Variants in GRIN3A observed in about 807,000 individuals in gnomAD.
GRIN3A encodes glutamate receptor ionotropic, NMDA 3A.
In GRIN3A, 47 loss-of-function variants were observed where a neutral mutation model predicts 92.4. That is an observed-to-expected ratio of 0.51 (90% CI 0.40 to 0.65). The LOEUF is 0.65. GRIN3A is among the 30% of genes least tolerant of loss of function. The probability of loss-of-function intolerance (pLI) is 0.00; values close to 1 mark genes in which losing one functional copy is unlikely to be tolerated. For missense variants in GRIN3A, 1,324 were observed against 1,393.1 expected (o/e 0.95, Z 0.79); for synonymous variants, 527 against 540.6 (o/e 0.97, Z 0.35).
intron 4 of GRIN3A, 62 bp from the exon 5 acceptor site, chr9:101,623,495 G>T: frequency 8.5e-7 from 1 of 1,179,826 alleles, no homozygotes; most frequent in Non-Finnish European, 1.3e-6. Flanking sequence ...AAGCATGAAG[G>T]CTGACAGCCG....
At chr9:101,580,736 T>C (rs551654726) in intron 6 of GRIN3A, among the ~76,000 whole-genome samples, 2 of 152,340 alleles carry the variant, frequency 1.3e-5, no homozygotes, top group South Asian at 4.1e-4. Flanking sequence ...AATAGATATA[T>C]AACGTCTATT....
chr9:101,734,629 G>C (rs1830179232), intron 1 of GRIN3A, among the ~76,000 whole-genome samples: 1 of 151,876 alleles, frequency 6.6e-6, no homozygotes. Flanking sequence ...GTCCATCTCA[G>C]TGGCAGCTCT....
chr9:101,693,242 AAAATATAT>A (rs147715197), intron 1 of GRIN3A, among the ~76,000 whole-genome samples: 20,551 of 80,348 alleles, frequency 0.26, 2,170 homozygotes, highest in African/African-American at 0.37. Flanking sequence ...CATCTCAGCT[AAAATATAT>A]ATATATATAT....
chr9:101,587,048 G>A (rs563962715), intron 6 of GRIN3A, among the ~76,000 whole-genome samples: 1 of 152,242 alleles, frequency 6.6e-6, no homozygotes, highest in Admixed American at 6.5e-5. Flanking sequence ...AGTGGCTCAC[G>A]CCTGTAATCC....
intron 6 of GRIN3A, among the ~76,000 whole-genome samples, chr9:101,584,567 T>G (rs1364006372): frequency 2.6e-5 from 4 of 152,232 alleles, no homozygotes; most frequent in African/African-American, 9.6e-5. Flanking sequence ...TAAGAGTGTT[T>G]TAGCGAATTT....
At chr9:101,660,207 C>T (rs1318924521) in intron 3 of GRIN3A, among the ~76,000 whole-genome samples, 1 of 151,852 alleles carries the variant, frequency 6.6e-6, no homozygotes, top group Non-Finnish European at 1.5e-5. Context: ...ACTCAAGGAT[C>T]CTACATCTCT....
intron 6 of GRIN3A, chr9:101,593,045 C>T (rs1179057016): frequency 2.0e-5 from 3 of 152,208 alleles, no homozygotes; most frequent in Non-Finnish European, 4.4e-5. Flanking sequence ...GCTCTGAGAA[C>T]TCACAATAGT....
intron 2 of GRIN3A, among the ~76,000 whole-genome samples, chr9:101,681,233 G>T (rs761736728): frequency 3.3e-5 from 5 of 152,084 alleles, no homozygotes; most frequent in East Asian, 1.9e-4. Flanking sequence ...AAGGCTAAAA[G>T]CAATTTTGAG....
At chr9:101,633,485 A>G (rs927391832) in intron 3 of GRIN3A, among the ~76,000 whole-genome samples, 2 of 152,178 alleles carry the variant, frequency 1.3e-5, no homozygotes, top group African/African-American at 4.8e-5. Context: ...TCAGTGGACG[A>G]TTAGCAGGGG....
chr9:101,684,121 T>TCTTTCTTTCTTTCTTTCTTTCTTTC, intron 2 of GRIN3A, among the ~76,000 whole-genome samples: 2 of 149,116 alleles, frequency 1.3e-5, no homozygotes, highest in African/African-American at 5.1e-5. Flanking sequence ...TTTCTTTCTT[T>TCTTTCTTTCTTTCTTTCTTTCTTTC]TTTTTTTTGT....
chr9:101,722,333 G>A (rs540233472), intron 1 of GRIN3A, among the ~76,000 whole-genome samples: 7 of 152,376 alleles, frequency 4.6e-5, no homozygotes, highest in Non-Finnish European at 1.0e-4. Flanking sequence ...AAAAGTTTGT[G>A]GCAGGGTCAG....
intron 3 of GRIN3A, among the ~76,000 whole-genome samples, chr9:101,664,854 A>C (rs748000803): frequency 3.9e-5 from 6 of 151,984 alleles, no homozygotes; most frequent in Non-Finnish European, 7.4e-5. Context: ...TCAAGAAGAA[A>C]AATGGAGCTA....
intron 3 of GRIN3A, among the ~76,000 whole-genome samples, chr9:101,663,707 G>T (rs1213557374): frequency 2.0e-5 from 3 of 151,418 alleles, no homozygotes; most frequent in African/African-American, 7.3e-5. Context: ...AAATATTTTT[G>T]GTTAAAGTTT....
intron 5 of GRIN3A, among the ~76,000 whole-genome samples, chr9:101,620,770 G>A (rs538844633): frequency 2.0e-5 from 3 of 151,902 alleles, no homozygotes; most frequent in East Asian, 2.0e-4. Context: ...CTCATACACC[G>A]CTTTGATGAT....
intron 3 of GRIN3A, among the ~76,000 whole-genome samples, chr9:101,632,641 C>T (rs539935380): frequency 6.6e-6 from 1 of 151,960 alleles, no homozygotes; most frequent in Non-Finnish European, 1.5e-5. Context: ...ATGATATATT[C>T]TTCTTTCTTT....
chr9:101,653,812 AT>A (rs1032996596), intron 3 of GRIN3A, among the ~76,000 whole-genome samples: 35 of 152,002 alleles, frequency 2.3e-4, no homozygotes, highest in African/African-American at 7.7e-4. Context: ...GATAATTTAT[AT>A]TTAACTATGC....
intron 1 of GRIN3A, among the ~76,000 whole-genome samples, chr9:101,729,838 C>A (rs2119041450): frequency 6.6e-6 from 1 of 152,190 alleles, no homozygotes; most frequent in East Asian, 1.9e-4. Flanking sequence ...TTAAGAAATG[C>A]CACACAAACC....
chr9:101,699,806 G>C (rs1829731788), intron 1 of GRIN3A, among the ~76,000 whole-genome samples: 1 of 152,094 alleles, frequency 6.6e-6, no homozygotes, highest in Non-Finnish European at 1.5e-5. Context: ...ATATATCTTA[G>C]TTTCTGATGA....
In GRIN3A at chr9:101,737,404, C is replaced by T. The variant is rs967565377; in HGVS notation, c.576G>A (p.Gly192=). The change falls in exon 1 of 9, where the codon GGG becomes GGA. Residue 192 remains glycine, a synonymous_variant. Transcript: ENST00000361820. ...QSVCHTVVVQ[G]VSALLAFPQS... ...GGGGGAAGGCGAGCAGCGCCGACACCCCTTGCACCACCACGGTATGGCACA... is the reference window on the plus strand; with the variant it reads ...GGGGGAAGGCGAGCAGCGCCGACACTCCTTGCACCACCACGGTATGGCACA... 95 of 1,614,138 alleles carry T rather than the reference C, an allele frequency of 5.9e-5. No individual in the cohort carries two copies. Among genetic ancestry groups the T allele is most frequent in the Non-Finnish European group, 7.9e-5 (93 of 1,180,052 alleles).
Sources: allele counts gnomAD v4.1 joint callset (sites outside exome capture counted in the v4.1 genomes callset), GRCh38; gene constraint gnomAD v4.1.1; transcripts MANE v1.5; gene names NCBI Gene and HGNC (gene_info 2026-07-23, HGNC 2026-07-21).